CA8: variants seen among roughly 807,000 people sequenced by gnomAD.
CA8 encodes the protein carbonic anhydrase 8 (inactive).
CA8 carries 22 observed loss-of-function variants against 41.4 expected under a neutral mutation model. The observed-to-expected ratio is 0.53, with a 90% CI of 0.38 to 0.76. The LOEUF (loss-of-function observed/expected upper bound fraction) is 0.76. Ranked by LOEUF, CA8 falls within the 30% of genes least tolerant of loss-of-function variation. The pLI, the probability that CA8 is intolerant of heterozygous loss-of-function variation, is 0.00. For missense variants in CA8, 270 were observed against 352.8 expected (o/e 0.77, Z 1.88); for synonymous variants, 121 against 130.6 (o/e 0.93, Z 0.50).
intron 8 of CA8, among the ~76,000 whole-genome samples, chr8:60,191,022 T>C (rs974780187): frequency 3.4e-5 from 5 of 147,050 alleles, no homozygotes; most frequent in African/African-American, 1.0e-4. Flanking sequence ...ATATAGAATG[T>C]CTGGAAAAAT....
rs538441248 is a variant in CA8, at chr8:60,238,879, A to G, written c.418-6500T>C. On this transcript the variant is annotated intron_variant, in intron 3 of 8. Transcript: ENST00000317995. ...CCCCAATCTGCCCTGACACCCAGAC[A>G]AATCCTACCTGTCCTCCTAGGCACT... 2.6e-5 allele frequency among the ~76,000 whole-genome samples: 4 copies of G among 152,212 alleles called. No individual in the cohort carries two copies. In the East Asian group the frequency reaches 7.7e-4, roughly 29 times the overall value.
intron 8 of CA8, among the ~76,000 whole-genome samples, chr8:60,197,610 T>A (rs75391683): frequency 0.017 from 2,603 of 152,242 alleles, 77 homozygotes; most frequent in African/African-American, 0.059. Context: ...ACCTGAGCCA[T>A]CTCCACTGTG....
rs185464036 is a variant in CA8 at position 60,222,642 on chromosome 8, C to A, written c.738+7G>T. 1 of 1,498,238 alleles carries A rather than the reference C, an allele frequency of 6.7e-7. No individual in the cohort carries two copies. The highest frequency in any genetic ancestry group is 2.3e-5 in the East Asian group (1 of 44,320). The allele number at this position is 1,498,238 out of a possible 1,614,324, so 92.8% of individuals were successfully genotyped here. Reference sequence around the variant, plus strand: ...TCACTCTGAAAGATTCAAAGTAGCACACTCACCTGTAGCTGGGATATAGTT... The same window carrying A: ...TCACTCTGAAAGATTCAAAGTAGCAAACTCACCTGTAGCTGGGATATAGTT... On this transcript the variant is annotated splice_region_variant and intron_variant, in intron 7 of 8. Coordinates refer to ENST00000317995, the MANE Select transcript of CA8 (RefSeq NM_004056.6).
chr8:60,227,985 A>T (rs1057127568), intron 4 of CA8, among the ~76,000 whole-genome samples: 6 of 152,222 alleles, frequency 3.9e-5, no homozygotes, highest in South Asian at 2.1e-4. Flanking sequence ...TCAAATAAAC[A>T]ATCATTGCTT....
chr8:60,242,528 C>T (rs112879959), intron 3 of CA8, among the ~76,000 whole-genome samples: 10 of 152,166 alleles, frequency 6.6e-5, no homozygotes, highest in African/African-American at 1.4e-4. Flanking sequence ...ACACAAAGCA[C>T]GGAGGAATGG....
intron 3 of CA8, among the ~76,000 whole-genome samples, chr8:60,239,638 G>T (rs1807949604): frequency 6.6e-6 from 1 of 152,206 alleles, no homozygotes; most frequent in Admixed American, 6.5e-5. Context: ...ACCTTGTAGA[G>T]TTGGTTCACT....
chr8:60,241,613 T>C (rs938699428), intron 3 of CA8, among the ~76,000 whole-genome samples: 1 of 152,194 alleles, frequency 6.6e-6, no homozygotes, highest in African/African-American at 2.4e-5. Context: ...AAAAGCTTGG[T>C]GCAGTCATAG....
At chr8:60,217,399 G>A (rs1010190368) in intron 7 of CA8, among the ~76,000 whole-genome samples, 6 of 152,110 alleles carry the variant, frequency 3.9e-5, no homozygotes, top group African/African-American at 1.4e-4. Flanking sequence ...ACTCCTTCTT[G>A]AAACTTGCCT....
At chr8:60,238,532 T>C (rs1270874104) in intron 3 of CA8, among the ~76,000 whole-genome samples, 3 of 152,036 alleles carry the variant, frequency 2.0e-5, no homozygotes, top group Non-Finnish European at 4.4e-5. Context: ...ACACTCTTCA[T>C]AGAACTCCCC....
chr8:60,228,427 A>C (rs1807518532), intron 4 of CA8, among the ~76,000 whole-genome samples: 1 of 152,184 alleles, frequency 6.6e-6, no homozygotes, highest in South Asian at 2.1e-4. Context: ...CTACGTCTGC[A>C]CTTGGGGTCT....
At chr8:60,193,356 T>C (rs976742253) in intron 8 of CA8, among the ~76,000 whole-genome samples, 2 of 152,212 alleles carry the variant, frequency 1.3e-5, no homozygotes, top group African/African-American at 4.8e-5. Flanking sequence ...GGTTTGCCTA[T>C]GATCTCATTC....
At chr8:60,197,610 T>C (rs75391683) in intron 8 of CA8, among the ~76,000 whole-genome samples, 1 of 152,130 alleles carries the variant, frequency 6.6e-6, no homozygotes, top group South Asian at 2.1e-4. Context: ...ACCTGAGCCA[T>C]CTCCACTGTG....
intron 8 of CA8, among the ~76,000 whole-genome samples, chr8:60,192,537 T>TC (rs1806159689): frequency 6.6e-6 from 1 of 152,154 alleles, no homozygotes; most frequent in Non-Finnish European, 1.5e-5. Flanking sequence ...TTTTCAGTGT[T>TC]TTAGAGAAAG....
intron 8 of CA8, among the ~76,000 whole-genome samples, chr8:60,203,379 T>A (rs544636599): frequency 6.6e-6 from 1 of 152,222 alleles, no homozygotes; most frequent in Admixed American, 6.5e-5. Context: ...CGGTCTAATA[T>A]GAACTCTTGG....
intron 3 of CA8, among the ~76,000 whole-genome samples, chr8:60,255,830 T>C (rs1487026174): frequency 6.6e-6 from 1 of 152,222 alleles, no homozygotes; most frequent in Non-Finnish European, 1.5e-5. Context: ...TTCAAGTGAA[T>C]ATCAGCTTTT....
chr8:60,207,337 T>C (rs1410470270), intron 8 of CA8, among the ~76,000 whole-genome samples: 3 of 152,162 alleles, frequency 2.0e-5, no homozygotes, highest in African/African-American at 4.8e-5. Flanking sequence ...TATATGAACA[T>C]ATACAATGTC....
intron 4 of CA8, among the ~76,000 whole-genome samples, chr8:60,228,758 T>A (rs775195769): frequency 6.6e-5 from 10 of 152,246 alleles, no homozygotes; most frequent in Non-Finnish European, 1.5e-4. Flanking sequence ...TTAATCTGGA[T>A]GCCCTACAGC....
At chr8:60,240,796 A>G (rs573839798) in intron 3 of CA8, among the ~76,000 whole-genome samples, 86 of 152,248 alleles carry the variant, frequency 5.6e-4, no homozygotes, top group Admixed American at 3.9e-3. Context: ...GAAGCCAAGT[A>G]TCTCACCCAC....
intron 3 of CA8, among the ~76,000 whole-genome samples, chr8:60,261,057 A>G (rs2130580545): frequency 6.6e-6 from 1 of 152,226 alleles, no homozygotes; most frequent in African/African-American, 2.4e-5. Flanking sequence ...AACACTAAAT[A>G]CTAGATGCTA....
Sources: gnomAD v4.1 joint callset for allele counts (sites outside exome capture counted in the v4.1 genomes callset) on GRCh38, gnomAD v4.1.1 for gene constraint, MANE v1.5 for transcripts, NCBI Gene and HGNC (gene_info 2026-07-23, HGNC 2026-07-21) for gene names.